Variants in VAV3 observed in about 807,000 individuals in gnomAD.
The protein encoded by VAV3 is vav guanine nucleotide exchange factor 3, also known as guanine nucleotide exchange factor VAV3.
Under a neutral mutation model 131.2 loss-of-function variants are expected in VAV3, and 94 were observed. That is an observed-to-expected ratio of 0.72 (90% CI 0.61 to 0.85). The LOEUF is 0.85. Ranked by LOEUF, VAV3 falls within the 40% of genes least tolerant of loss-of-function variation. The pLI, the probability that VAV3 is intolerant of heterozygous loss-of-function variation, is 0.00. For missense variants in VAV3, 939 were observed against 1,002.7 expected (o/e 0.94, Z 0.86); for synonymous variants, 349 against 342.0 (o/e 1.02, Z -0.22).
At chr1:107,927,479 G>A (rs1007626093) in intron 1 of VAV3, among the ~76,000 whole-genome samples, 1 of 151,096 alleles carries the variant, frequency 6.6e-6, no homozygotes, top group Admixed American at 6.6e-5. Context: ...GGGGGATATA[G>A]TACCAAGTGG....
chr1:107,824,379 G>A (rs1667921800), intron 2 of VAV3, among the ~76,000 whole-genome samples: 2 of 152,104 alleles, frequency 1.3e-5, no homozygotes, highest in African/African-American at 4.8e-5. Context: ...TTACAGTGAA[G>A]GAAACTATTA....
At chr1:107,585,671 G>A (rs540099477) in intron 25 of VAV3, among the ~76,000 whole-genome samples, 2 of 152,052 alleles carry the variant, frequency 1.3e-5, no homozygotes, top group East Asian at 3.9e-4. Flanking sequence ...GAAACCTGCT[G>A]TGATGTCCTA....
chr1:107,651,425 C>T (rs1020853339), intron 19 of VAV3, among the ~76,000 whole-genome samples: 2 of 151,686 alleles, frequency 1.3e-5, no homozygotes, highest in Non-Finnish European at 2.9e-5. Context: ...TTTGTGTCTT[C>T]GTACAGAGTT....
chr1:107,822,270 T>G (rs927293044), intron 2 of VAV3, among the ~76,000 whole-genome samples: 1 of 151,602 alleles, frequency 6.6e-6, no homozygotes, highest in Non-Finnish European at 1.5e-5. Flanking sequence ...GAATGTATGG[T>G]GAAGGGAAGG....
chr1:107,675,088 T>C (rs910802202), intron 19 of VAV3, among the ~76,000 whole-genome samples: 4 of 152,162 alleles, frequency 2.6e-5, no homozygotes, highest in Admixed American at 1.3e-4. Context: ...AAGTGAAGTA[T>C]TGTAAGAAAC....
In VAV3 at chr1:107,775,895, T is replaced by G. The variant is rs575873627; in HGVS notation, c.446+1336A>C. Among the ~76,000 whole-genome samples, 5 of 152,268 alleles carry G rather than the reference T, an allele frequency of 3.3e-5. No individual in the cohort carries two copies. The East Asian group carries it at 9.7e-4, about 29-fold the overall frequency. ...GTGCTCACCCCCTCTACTCTTCTAC[T>G]AAAAGCTCTGAGAGGGATCTGGAAG... On this transcript the variant is annotated intron_variant, in intron 4 of 26. Transcript: ENST00000370056.
intron 1 of VAV3, among the ~76,000 whole-genome samples, chr1:107,916,026 A>G (rs1330776813): frequency 6.6e-6 from 1 of 152,200 alleles, no homozygotes; most frequent in East Asian, 1.9e-4. Flanking sequence ...AAGTTCAGAG[A>G]AGGCCTTCAA....
intron 2 of VAV3, among the ~76,000 whole-genome samples, chr1:107,815,928 G>A (rs745868659): frequency 2.8e-4 from 43 of 152,134 alleles, no homozygotes; most frequent in Non-Finnish European, 4.4e-4. Context: ...ACTGTTCTAC[G>A]TCAGATCATC....
At chr1:107,839,732 C>T (rs1032760502) in intron 2 of VAV3, among the ~76,000 whole-genome samples, 2 of 151,920 alleles carry the variant, frequency 1.3e-5, no homozygotes, top group Admixed American at 1.3e-4. Flanking sequence ...CCAATAAAAC[C>T]AAAAGATGGT....
chr1:107,584,096 A>G (rs1474688434), intron 25 of VAV3, among the ~76,000 whole-genome samples: 1 of 152,218 alleles, frequency 6.6e-6, no homozygotes, highest in African/African-American at 2.4e-5. Flanking sequence ...CCTCAGAAAT[A>G]ACACCGCATA....
chr1:107,860,560 T>C (rs1669691363), intron 2 of VAV3, among the ~76,000 whole-genome samples: 1 of 151,636 alleles, frequency 6.6e-6, no homozygotes, highest in South Asian at 2.1e-4. Flanking sequence ...CCACTTGGTA[T>C]GATGATAGTG....
chr1:107,833,891 A>G (rs1317513838), intron 2 of VAV3, among the ~76,000 whole-genome samples: 2 of 152,220 alleles, frequency 1.3e-5, no homozygotes, highest in Non-Finnish European at 2.9e-5. Flanking sequence ...GTAATCAAGC[A>G]CTAGCCATGG....
chr1:107,761,030 A>G (rs1472338905), intron 9 of VAV3, 151 bp from the exon 10 acceptor site: 1 of 511,082 alleles, frequency 2.0e-6, no homozygotes, highest in Non-Finnish European at 3.6e-6. Context: ...TCTTCAATTT[A>G]AAAAAACAAA....
At chr1:107,685,187 T>C (rs954170412) in intron 18 of VAV3, among the ~76,000 whole-genome samples, 3 of 152,242 alleles carry the variant, frequency 2.0e-5, no homozygotes, top group Non-Finnish European at 1.5e-5. Flanking sequence ...TCTGTGTTCT[T>C]ACACCTTGAA....
chr1:107,612,116 A>G (rs1652786737), intron 21 of VAV3, among the ~76,000 whole-genome samples: 1 of 151,070 alleles, frequency 6.6e-6, no homozygotes, highest in Non-Finnish European at 1.5e-5. Context: ...AGAATATAGT[A>G]TCCGTACAAA....
chr1:107,602,138 T>A (rs1409509098), intron 24 of VAV3, among the ~76,000 whole-genome samples: 2 of 152,116 alleles, frequency 1.3e-5, no homozygotes, highest in Non-Finnish European at 2.9e-5. Flanking sequence ...ATATTTAAAA[T>A]CTGCTGTATC....
intron 19 of VAV3, among the ~76,000 whole-genome samples, chr1:107,652,848 GT>G (rs1364927278): frequency 6.6e-6 from 1 of 151,976 alleles, no homozygotes; most frequent in Non-Finnish European, 1.5e-5. Flanking sequence ...AAATAAAATT[GT>G]TTTTGACATG....
chr1:107,955,030 T>C (rs924722372), intron 1 of VAV3, among the ~76,000 whole-genome samples: 4 of 152,218 alleles, frequency 2.6e-5, no homozygotes, highest in African/African-American at 9.7e-5. Context: ...CTTGTATGTT[T>C]CCACAGAAGC....
chr1:107,756,288 T>C (rs765272966), intron 11 of VAV3, among the ~76,000 whole-genome samples: 2 of 152,194 alleles, frequency 1.3e-5, no homozygotes, highest in Non-Finnish European at 2.9e-5. Context: ...TTTTTCTTTT[T>C]TCTCTACCCT....
Sources: allele counts gnomAD v4.1 joint callset (sites outside exome capture counted in the v4.1 genomes callset), GRCh38; gene constraint gnomAD v4.1.1; transcripts MANE v1.5; gene names NCBI Gene and HGNC (gene_info 2026-07-23, HGNC 2026-07-21).